Variants in CAST observed in about 807,000 individuals in gnomAD.
CAST encodes the protein MIR583 host.
In CAST, 76 loss-of-function variants were observed where a neutral mutation model predicts 119.6. The ratio of observed to expected loss-of-function variants is 0.64; its 90% CI spans 0.53 to 0.77. CAST has a LOEUF of 0.77. CAST is among the 30% of genes least tolerant of loss of function. The pLI is 0.00. For synonymous variants in CAST, 319 were observed against 331.6 expected (o/e 0.96, Z 0.41); for missense variants, 953 against 946.5 (o/e 1.01, Z -0.09).
the CAST span, among the ~76,000 whole-genome samples, chr5:96,187,533 G>A: frequency 2.0e-5 from 3 of 152,002 alleles, no homozygotes; most frequent in Non-Finnish European, 4.4e-5. Flanking sequence ...CAGGGATTCT[G>A]GTACATTGTC....
At chr5:96,457,359 C>T in the CAST span, among the ~76,000 whole-genome samples, 1 of 152,240 alleles carries the variant, frequency 6.6e-6, no homozygotes, top group South Asian at 2.1e-4. Context: ...CTGCCCTCAA[C>T]ACAACAGTCA....
chr5:96,218,351 C>A, the CAST span, among the ~76,000 whole-genome samples: 1 of 152,186 alleles, frequency 6.6e-6, no homozygotes, highest in Admixed American at 6.5e-5. Flanking sequence ...TGTGGTCCAG[C>A]AGAAGGGGCT....
At chr5:96,224,971 A>T in the CAST span, among the ~76,000 whole-genome samples, 1 of 152,232 alleles carries the variant, frequency 6.6e-6, no homozygotes, top group Admixed American at 6.5e-5. Flanking sequence ...CTAATTGTCC[A>T]GACCTAGGTC....
intron 2 of CAST, chr5:96,675,804 T>C (rs1750634640): frequency 2.1e-6 from 1 of 476,294 alleles, no homozygotes; most frequent in Non-Finnish European, 3.7e-6. Flanking sequence ...ATAGAGCCTG[T>C]ATGAATACTT....
chr5:96,756,693 C>T (rs1022318513), intron 22 of CAST, among the ~76,000 whole-genome samples: 1 of 152,160 alleles, frequency 6.6e-6, no homozygotes, highest in African/African-American at 2.4e-5. Context: ...AAACAAAAAC[C>T]AACCTTAACC....
chr5:96,454,559 A>G, the CAST span, among the ~76,000 whole-genome samples: 1 of 152,200 alleles, frequency 6.6e-6, no homozygotes, highest in African/African-American at 2.4e-5. Flanking sequence ...AGTCTTCGCC[A>G]TACACATCAA....
the CAST span, among the ~76,000 whole-genome samples, chr5:96,431,752 G>GCCCCCGC: frequency 6.6e-6 from 1 of 152,034 alleles, no homozygotes; most frequent in Admixed American, 6.6e-5. Flanking sequence ...AATCGCCAAC[G>GCCCCCGC]CCCCCGCCGA....
chr5:96,510,380 C>A, the CAST span, among the ~76,000 whole-genome samples: 6 of 152,152 alleles, frequency 3.9e-5, no homozygotes, highest in Non-Finnish European at 7.4e-5. Context: ...CCTAAAGTAA[C>A]CTTCCAGTTT....
chr5:95,975,051 G>A, the CAST span, among the ~76,000 whole-genome samples: 1 of 152,130 alleles, frequency 6.6e-6, no homozygotes, highest in Admixed American at 6.6e-5. Flanking sequence ...GGTACCAGTG[G>A]CATGCATGGG....
intron 3 of CAST, among the ~76,000 whole-genome samples, chr5:96,722,421 A>C (rs567751698): frequency 6.8e-6 from 1 of 146,538 alleles, no homozygotes; most frequent in Non-Finnish European, 1.5e-5. Context: ...ATCTTACCCG[A>C]GATTGTTTAG....
the CAST span, among the ~76,000 whole-genome samples, chr5:96,360,065 C>T: frequency 6.6e-6 from 1 of 151,918 alleles, no homozygotes; most frequent in South Asian, 2.1e-4. Context: ...CTTGTCTTCA[C>T]ACTTAATTTC....
At chr5:96,321,759 G>A in the CAST span, among the ~76,000 whole-genome samples, 11 of 152,158 alleles carry the variant, frequency 7.2e-5, no homozygotes, top group Middle Eastern at 3.4e-3. Context: ...ATTATAAAAC[G>A]TTTGAGTTAT....
At chr5:96,713,279 G>T (rs1472393286) in intron 3 of CAST, among the ~76,000 whole-genome samples, 1 of 151,806 alleles carries the variant, frequency 6.6e-6, no homozygotes, top group Non-Finnish European at 1.5e-5. Flanking sequence ...CTACAGGCAC[G>T]TGCCACCATG....
the CAST span, among the ~76,000 whole-genome samples, chr5:96,334,605 T>C: frequency 7.2e-5 from 11 of 152,238 alleles, no homozygotes; most frequent in African/African-American, 2.7e-4. Context: ...ACTCACTTCC[T>C]TCAACTACAA....
intron 3 of CAST, among the ~76,000 whole-genome samples, chr5:96,698,697 A>G (rs1561484765): frequency 6.6e-6 from 1 of 152,186 alleles, no homozygotes; most frequent in African/African-American, 2.4e-5. Context: ...CTTTTATTAC[A>G]CAGTTATCAT....
chr5:96,684,421 A>G (rs1751804751), intron 2 of CAST, among the ~76,000 whole-genome samples: 1 of 152,214 alleles, frequency 6.6e-6, no homozygotes, highest in Non-Finnish European at 1.5e-5. Context: ...TTGGTTGATT[A>G]TATATTGCAG....
At chr5:96,631,751 C>T (rs1358636085) in intron 1 of CAST, among the ~76,000 whole-genome samples, 3 of 152,016 alleles carry the variant, frequency 2.0e-5, no homozygotes, top group Non-Finnish European at 4.4e-5. Flanking sequence ...CCAGGATGGT[C>T]TCGATATCCC....
chr5:96,448,592 T>C, the CAST span, among the ~76,000 whole-genome samples: 2 of 152,158 alleles, frequency 1.3e-5, no homozygotes, highest in Non-Finnish European at 2.9e-5. Context: ...CAGAACAAAT[T>C]GAATGTTTGA....
the CAST span, among the ~76,000 whole-genome samples, chr5:96,180,020 C>T: frequency 4.2e-3 from 632 of 149,976 alleles, 2 homozygotes; most frequent in Middle Eastern, 0.027. Context: ...GAGACTCCAT[C>T]TCAAAAAGAA....
Sources: allele counts gnomAD v4.1 joint callset (sites outside exome capture counted in the v4.1 genomes callset), GRCh38; gene constraint gnomAD v4.1.1; transcripts MANE v1.5; gene names NCBI Gene and HGNC (gene_info 2026-07-23, HGNC 2026-07-21).